The following PREX2 variants were observed in gnomAD, a reference collection of about 807,000 sequenced individuals.
PREX2 encodes the protein phosphatidylinositol 3,4,5-trisphosphate-dependent Rac exchanger 2 protein.
Under a neutral mutation model 203.2 loss-of-function variants are expected in PREX2, and 107 were observed. That is an observed-to-expected ratio of 0.53 (90% CI 0.45 to 0.62). PREX2 has a LOEUF of 0.62. PREX2 is among the 20% of genes least tolerant of loss of function. The pLI is 0.00. For missense variants in PREX2, 1,777 were observed against 1,955.9 expected, an observed-to-expected ratio of 0.91 and a Z score of 1.72; for synonymous variants, 672 against 663.6, an observed-to-expected ratio of 1.01 and a Z score of -0.19.
In PREX2 at chr8:68,053,235, A is replaced by G. The variant is rs1277698811; in HGVS notation, c.1082A>G (p.Glu361Gly). ...TTTGAAGCTATTTTGAAAGAAAGAG[A>G]ACGGCGGAAAGGTGGGTGTATGAAT... is the stretch of plus-strand genomic sequence containing the variant. The part of the protein sequence containing the change: ...EWFEAILKER[E>G]RRKGLKLGME... Residue 361 changes from glutamate (E) to glycine (G), a missense_variant, in exon 9 of 40, where the codon GAA (glutamate) becomes GGA (glycine). By Grantham distance (98) the Glu-to-Gly change is moderately conservative. Transcript: ENST00000288368. 1 of 1,613,630 alleles carries G rather than the reference A, an allele frequency of 6.2e-7. No homozygotes were observed. Among genetic ancestry groups the G allele is most frequent in the South Asian group, 1.1e-5 (1 of 91,060 alleles).
chr8:68,222,405 C>T (rs1244077462), intron 38 of PREX2, among the ~76,000 whole-genome samples: 2 of 149,896 alleles, frequency 1.3e-5, no homozygotes, highest in Non-Finnish European at 3.0e-5. Flanking sequence ...AGAAAGAGCT[C>T]CCAGTGGCCA....
intron 4 of PREX2, among the ~76,000 whole-genome samples, chr8:68,023,780 A>G (rs1807636154): frequency 6.6e-6 from 1 of 151,974 alleles, no homozygotes; most frequent in African/African-American, 2.4e-5. Flanking sequence ...AAAATTGTTC[A>G]TTGCTAATAT....
chr8:68,219,701 G>T (rs1812916746), intron 38 of PREX2, among the ~76,000 whole-genome samples: 1 of 152,208 alleles, frequency 6.6e-6, no homozygotes, highest in Admixed American at 6.5e-5. Flanking sequence ...AAACTGGGCA[G>T]ACTGGTGGCC....
intron 18 of PREX2, among the ~76,000 whole-genome samples, chr8:68,087,201 A>G (rs1436600855): frequency 1.3e-5 from 2 of 152,152 alleles, no homozygotes; most frequent in Admixed American, 6.6e-5. Context: ...TAAGTTATCC[A>G]CCTACAAACT....
chr8:68,211,412 G>T (rs1187428365), intron 37 of PREX2, among the ~76,000 whole-genome samples: 1 of 152,184 alleles, frequency 6.6e-6, no homozygotes, highest in Middle Eastern at 3.2e-3. Context: ...GTTGAAATAT[G>T]ATGAGATCTG....
At chr8:67,965,293 G>T (rs1441981589) in intron 1 of PREX2, among the ~76,000 whole-genome samples, 2 of 152,086 alleles carry the variant, frequency 1.3e-5, no homozygotes, top group African/African-American at 2.4e-5. Flanking sequence ...TGGTACTGAT[G>T]CTATTTTCAG....
intron 35 of PREX2, among the ~76,000 whole-genome samples, chr8:68,166,141 A>T (rs1811757713): frequency 6.6e-6 from 1 of 152,178 alleles, no homozygotes. Flanking sequence ...ACAGAGACTG[A>T]AGCCCTCATT....
chr8:68,161,864 TGG>T (rs1811661494), intron 35 of PREX2, among the ~76,000 whole-genome samples: 1 of 152,312 alleles, frequency 6.6e-6, no homozygotes, highest in African/African-American at 2.4e-5. Context: ...TACCCAGGAC[TGG>T]GTAATTATAA....
intron 30 of PREX2, among the ~76,000 whole-genome samples, chr8:68,124,031 A>T (rs1021281715): frequency 2.0e-5 from 3 of 152,138 alleles, no homozygotes; most frequent in African/African-American, 7.2e-5. Flanking sequence ...AATCCTGGCA[A>T]ACCAAATCCA....
At chr8:67,976,550 C>CGGGAGAG (rs2129609035) in intron 1 of PREX2, among the ~76,000 whole-genome samples, 1 of 54,332 alleles carries the variant, frequency 1.8e-5, no homozygotes, top group African/African-American at 6.6e-5. Flanking sequence ...GGGAGAGAGA[C>CGGGAGAG]AGAGAGAGAG....
chr8:68,019,955 T>A (rs1807520113), intron 3 of PREX2, among the ~76,000 whole-genome samples: 1 of 152,224 alleles, frequency 6.6e-6, no homozygotes, highest in Non-Finnish European at 1.5e-5. Context: ...AGGCTGTTCA[T>A]AATGAATGAA....
chr8:67,955,409 G>T (rs1358620018), intron 1 of PREX2, among the ~76,000 whole-genome samples: 1 of 152,170 alleles, frequency 6.6e-6, no homozygotes, highest in Non-Finnish European at 1.5e-5. Flanking sequence ...TGTGTCTTCA[G>T]CTGGCTACTC....
intron 14 of PREX2, among the ~76,000 whole-genome samples, chr8:68,076,022 A>G (rs1809337787): frequency 6.6e-6 from 1 of 152,208 alleles, no homozygotes; most frequent in Admixed American, 6.5e-5. Context: ...GAGGTATGGT[A>G]TTGAGCTTTG....
At chr8:67,988,015 G>A (rs1346796437) in intron 1 of PREX2, among the ~76,000 whole-genome samples, 1 of 152,198 alleles carries the variant, frequency 6.6e-6, no homozygotes, top group Non-Finnish European at 1.5e-5. Flanking sequence ...GTTTTTCAGT[G>A]TGAATAACCC....
chr8:67,983,726 A>G (rs1806334283), intron 1 of PREX2, among the ~76,000 whole-genome samples: 1 of 152,180 alleles, frequency 6.6e-6, no homozygotes, highest in Non-Finnish European at 1.5e-5. Context: ...TTGATTCTCC[A>G]TTAGCTATTG....
At chr8:68,070,066 A>C (rs1445119756) in intron 13 of PREX2, among the ~76,000 whole-genome samples, 182 bp downstream of exon 13, 1 of 151,782 alleles carries the variant, frequency 6.6e-6, no homozygotes, top group Non-Finnish European at 1.5e-5. Flanking sequence ...TTCTAATTAT[A>C]TAGTGTTTTC....
intron 17 of PREX2, among the ~76,000 whole-genome samples, chr8:68,081,039 A>G (rs1015726387): frequency 1.3e-5 from 2 of 152,126 alleles, no homozygotes; most frequent in African/African-American, 4.8e-5. Context: ...CTGGCCACTC[A>G]GGGATAATAG....
At chr8:68,146,422 T>C in intron 34 of PREX2, 70 bp downstream of exon 34, 8 of 1,291,586 alleles carry the variant, frequency 6.2e-6, no homozygotes, top group Non-Finnish European at 8.6e-6. Flanking sequence ...TTTATAAATG[T>C]GATTTTAACA....
chr8:68,194,449 A>G (rs887976663), intron 37 of PREX2, among the ~76,000 whole-genome samples: 1 of 152,136 alleles, frequency 6.6e-6, no homozygotes, highest in African/African-American at 2.4e-5. Flanking sequence ...AACCTGAATC[A>G]GATGGGGAGA....
Sources: allele counts gnomAD v4.1 joint callset (sites outside exome capture counted in the v4.1 genomes callset), GRCh38; gene constraint gnomAD v4.1.1; transcripts MANE v1.5; gene names NCBI Gene and HGNC (gene_info 2026-07-23, HGNC 2026-07-21).